KCTD20: variants seen among roughly 807,000 people sequenced by gnomAD.
KCTD20 encodes potassium channel tetramerization domain containing 20.
KCTD20 carries 30 observed loss-of-function variants against 39.6 expected under a neutral mutation model. The ratio of observed to expected loss-of-function variants is 0.76; its 90% CI spans 0.57 to 1.03. The LOEUF (loss-of-function observed/expected upper bound fraction) is 1.03, where lower values mean the gene tolerates loss of function less well. Ranked by LOEUF, KCTD20 falls within the 50% of genes least tolerant of loss-of-function variation. KCTD20 has a pLI of 0.00. For synonymous variants in KCTD20, 162 were observed against 180.6 expected (o/e 0.90, Z 0.83); for missense variants, 422 against 522.0 (o/e 0.81, Z 1.87).
At chr6:36,484,926 C>A in intron 7 of KCTD20, 102 bp downstream of exon 7, 1 of 626,118 alleles carries the variant, frequency 1.6e-6, no homozygotes, top group Non-Finnish European at 2.9e-6. Context: ...AATAGGCATA[C>A]ATGAAAACCA....
rs1393629677 is a variant in KCTD20 at position 36,490,861 on chromosome 6, A to G, written c.*3686A>G. On this transcript the variant is annotated 3_prime_UTR_variant, in exon 8 of 8. Coordinates refer to ENST00000373731, the MANE Select transcript of KCTD20 (RefSeq NM_173562.5). ...ATATTTTAAGTCAAGGGTTTGTAGT[A>G]ATGTATTCAGTGCCACTTCTTGCCA... 1 of 152,168 alleles carries G rather than the reference A, an allele frequency of 6.6e-6. No individual in the cohort carries two copies. The highest frequency in any genetic ancestry group is 6.6e-5 in the Admixed American group (1 of 15,266). The allele number at this position is 152,168 out of a possible 1,614,324, so 9.4% of individuals were successfully genotyped here.
intron 1 of KCTD20, among the ~76,000 whole-genome samples, chr6:36,454,319 C>T (rs891930260): frequency 6.6e-6 from 1 of 151,090 alleles, no homozygotes; most frequent in African/African-American, 2.4e-5. Context: ...GTATGGCCCA[C>T]AAGACCTAAA....
At position 36,488,828 on chromosome 6, in the gene KCTD20, T is replaced by C. The variant is rs539802058; in HGVS notation, c.*1653T>C. On this transcript the variant is annotated 3_prime_UTR_variant, in exon 8 of 8. Coordinates refer to ENST00000373731, the MANE Select transcript of KCTD20 (RefSeq NM_173562.5). ...CCAGGGCTGAAAAAGTGTTCTTACG[T>C]TCTCTGCATGTGACTAGCATCACTG... The C allele has an allele frequency of 6.5e-5, 10 of 152,772 alleles. No individual in the cohort carries two copies. Among genetic ancestry groups the C allele is most frequent in the African/African-American group, 2.4e-4 (10 of 41,576 alleles). The allele number at this position is 152,772 out of a possible 1,614,324, so 9.5% of individuals were successfully genotyped here.
intron 1 of KCTD20, among the ~76,000 whole-genome samples, chr6:36,461,104 C>T (rs547567691): frequency 6.6e-6 from 1 of 152,110 alleles, no homozygotes; most frequent in East Asian, 1.9e-4. Context: ...GTAATGTTTG[C>T]AGTAATTTGA....
At position 36,488,853 on chromosome 6, in the gene KCTD20, G is replaced by C. The variant is rs1776502208; in HGVS notation, c.*1678G>C. 6.6e-6 allele frequency: 1 copy of C among 152,660 alleles called. No individual in the cohort carries two copies. The highest frequency in any genetic ancestry group is 2.1e-4 in the South Asian group (1 of 4,828). The allele number at this position is 152,660 out of a possible 1,614,324, so 9.5% of individuals were successfully genotyped here. A position where few individuals can be genotyped will look rare whatever the true frequency, so the allele number is the denominator to read the frequency against. On this transcript the variant is annotated 3_prime_UTR_variant, in exon 8 of 8. Coordinates refer to ENST00000373731, the MANE Select transcript of KCTD20 (RefSeq NM_173562.5). ...TTCTCTGCATGTGACTAGCATCACTGTGGAAATTAATGCTCTGTTCTTCAC... is the reference window on the plus strand; with the variant it reads ...TTCTCTGCATGTGACTAGCATCACTCTGGAAATTAATGCTCTGTTCTTCAC...
At chr6:36,448,473 C>T (rs912377955) in intron 1 of KCTD20, among the ~76,000 whole-genome samples, 5 of 152,162 alleles carry the variant, frequency 3.3e-5, no homozygotes, top group African/African-American at 1.2e-4. Context: ...GTGTTTGTCT[C>T]AAATCTCTTT....
At chr6:36,466,358 T>G (rs1207682510) in intron 1 of KCTD20, among the ~76,000 whole-genome samples, 1 of 151,168 alleles carries the variant, frequency 6.6e-6, no homozygotes, top group African/African-American at 2.4e-5. Context: ...CCACTGGGCC[T>G]GGCTGTGTTT....
intron 3 of KCTD20, 48 bp from the exon 4 acceptor site, chr6:36,479,073 G>T: frequency 8.1e-7 from 1 of 1,230,746 alleles, no homozygotes; most frequent in South Asian, 1.2e-5. Flanking sequence ...TCTCATCTGT[G>T]AAGAATCATG....
At chr6:36,479,021 A>G in intron 3 of KCTD20, 100 bp from the exon 4 acceptor site, 8 of 756,560 alleles carry the variant, frequency 1.1e-5, no homozygotes, top group Non-Finnish European at 1.8e-5. Context: ...ACTATGAGAG[A>G]GTGGGATGGA....
chr6:36,450,358 C>T (rs1312669802), intron 1 of KCTD20, among the ~76,000 whole-genome samples: 1 of 150,380 alleles, frequency 6.6e-6, no homozygotes, highest in Non-Finnish European at 1.5e-5. Context: ...CACGATGGCA[C>T]GTGCTTGTAA....
intron 1 of KCTD20, among the ~76,000 whole-genome samples, chr6:36,456,291 T>C (rs1269714700): frequency 6.6e-6 from 1 of 152,142 alleles, no homozygotes; most frequent in Non-Finnish European, 1.5e-5. Flanking sequence ...AAATTAGCTT[T>C]TTTTTGAGAC....
intron 2 of KCTD20, among the ~76,000 whole-genome samples, chr6:36,471,170 C>A (rs904175537): frequency 2.1e-5 from 3 of 145,180 alleles, no homozygotes; most frequent in Non-Finnish European, 4.6e-5. Context: ...AAAAAAAATT[C>A]TCCCTACCTC....
intron 4 of KCTD20, 44 bp from the exon 5 acceptor site, chr6:36,479,547 A>G (rs368527317): frequency 1.5e-4 from 241 of 1,565,708 alleles, no homozygotes; most frequent in Non-Finnish European, 1.9e-4. Context: ...GTAATTTTTC[A>G]TCTTGTTCTC....
chr6:36,461,311 T>A (rs7752714), intron 1 of KCTD20, among the ~76,000 whole-genome samples: 38,916 of 151,878 alleles, frequency 0.26, 5,451 homozygotes, highest in East Asian at 0.39. Flanking sequence ...AGAACTTTTT[T>A]AAAAAAGTAC....
intron 2 of KCTD20, 56 bp from the exon 3 acceptor site, chr6:36,474,733 T>C: frequency 6.2e-6 from 9 of 1,458,510 alleles, no homozygotes; most frequent in Non-Finnish European, 8.2e-6. Flanking sequence ...AGGGTTTATT[T>C]TTCTCTCAAG....
rs1256198307 is a variant in KCTD20, at chr6:36,489,305, T to TGAA, written c.*2132_*2134dup. The TGAA allele has an allele frequency of 2.6e-5, 4 of 152,310 alleles. No individual in the cohort carries two copies. The highest frequency in any genetic ancestry group is 9.6e-5 in the African/African-American group (4 of 41,466). The allele number at this position is 152,310 out of a possible 1,614,324, so 9.4% of individuals were successfully genotyped here. A position where few individuals can be genotyped will look rare whatever the true frequency, so the allele number is the denominator to read the frequency against. On this transcript the variant is annotated 3_prime_UTR_variant, in exon 8 of 8. Transcript: ENST00000373731. ...TCTTGCTTAGGGAAAATGCCAGGTA[T>TGAA]GAAGTATGGCATATACTTGACACTG...
rs559687288 is a variant in KCTD20, at chr6:36,448,015, G to GTGTGTATATATATATATATATA, written c.-47+4905_-47+4906insGTGTATATATATATATATATAT. Among the ~76,000 whole-genome samples the GTGTGTATATATATATATATATA allele has an allele frequency of 8.9e-4, 115 of 128,912 alleles. 1 individual carries two copies. The highest frequency in any genetic ancestry group is 3.7e-3 in the African/African-American group (107 of 29,048). The allele number at this position is 128,912 out of a possible 152,430, so 84.6% of individuals were successfully genotyped here. A position where few individuals can be genotyped will look rare whatever the true frequency, so the allele number is the denominator to read the frequency against. On this transcript the variant is annotated intron_variant, in intron 1 of 7. Transcript: ENST00000373731. ...CCAAAATATATGTGTATGTGTGTGT[G>GTGTGTATATATATATATATATA]TATATATATATATATATATATATAT...
At chr6:36,471,757 T>C (rs1775915019) in intron 2 of KCTD20, among the ~76,000 whole-genome samples, 1 of 152,184 alleles carries the variant, frequency 6.6e-6, no homozygotes, top group Admixed American at 6.5e-5. Flanking sequence ...GGTGTCTTCT[T>C]TGGGTTTCGG....
Position 36,484,716 on chromosome 6 carries a change from CTT to C in KCTD20, c.861_862del (p.Tyr288Ter). 2.0e-6 allele frequency: 3 copies of C among 1,524,586 alleles called. No homozygotes were observed. The highest frequency in any genetic ancestry group is 2.7e-6 in the Non-Finnish European group (3 of 1,114,864). 94.4% of individuals were successfully genotyped at this position (1,524,586 alleles called of 1,614,324 possible). ...PPMGEEYSQI[L>X]YSSKLYRFFK... ...ACCCTATATTTTTTCTTTTTCAGTT[CTT>C]TATAGCTCCAAGCTCTACAGATTCT... On this transcript the variant is annotated frameshift_variant, in exon 7 of 8. Transcript: ENST00000373731. LOFTEE classifies it high-confidence loss of function.
Sources: allele counts gnomAD v4.1 joint callset (sites outside exome capture counted in the v4.1 genomes callset), GRCh38; gene constraint gnomAD v4.1.1; transcripts MANE v1.5; gene names NCBI Gene and HGNC (gene_info 2026-07-23, HGNC 2026-07-21).